The following EPX variants were observed in gnomAD, a reference collection of about 807,000 sequenced individuals.
EPX encodes eosinophil peroxidase.
EPX carries 60 observed loss-of-function variants against 73.0 expected under a neutral mutation model. That is an observed-to-expected ratio of 0.82 (90% CI 0.67 to 1.02). The LOEUF (loss-of-function observed/expected upper bound fraction) is 1.02, where lower values mean the gene tolerates loss of function less well. Among genes scored for constraint, EPX ranks in the 50% least tolerant of loss-of-function variants. EPX has a pLI of 0.00. For missense variants in EPX, 950 were observed against 973.9 expected, an observed-to-expected ratio of 0.98 and a Z score of 0.33; for synonymous variants, 347 against 389.2, an observed-to-expected ratio of 0.89 and a Z score of 1.28.
intron 4 of EPX, 28 bp downstream of exon 4, chr17:58,193,859 CCCCTGCCT>C: frequency 1.2e-6 from 2 of 1,600,738 alleles, no homozygotes; most frequent in Non-Finnish European, 1.7e-6. Flanking sequence ...GGAGGGGCTG[CCCCTGCCT>C]GGGGGACCTC....
intron 10 of EPX, chr17:58,202,592 T>G (rs889534781): frequency 8.2e-6 from 2 of 245,396 alleles, no homozygotes; most frequent in South Asian, 1.2e-4. Flanking sequence ...TATTGACCTA[T>G]GCAGGACCTC....
chr17:58,204,433 A>C lies in EPX; in HGVS notation c.*10A>C. The C allele has an allele frequency of 6.2e-7, 1 of 1,602,732 alleles. No homozygotes were observed. Among genetic ancestry groups the C allele is most frequent in the Non-Finnish European group, 8.5e-7 (1 of 1,169,864 alleles). Reference sequence around the variant, plus strand: ...CTGGCGAGGGACATGAGGCTTCTGCAGGTAAGGGGAGGCCACCTCCAGCAC... The same window carrying C: ...CTGGCGAGGGACATGAGGCTTCTGCCGGTAAGGGGAGGCCACCTCCAGCAC... On this transcript the variant is annotated splice_region_variant and 3_prime_UTR_variant, in exon 12 of 13. Transcript: ENST00000225371.
chr17:58,200,279 G>A lies in EPX; in HGVS notation c.1592G>A (p.Arg531His), dbSNP rs369774099. ...GLMATPAKLNRQDAMLVDELR... is the reference protein window; with the variant it reads ...GLMATPAKLNHQDAMLVDELR... ...ATGGCCACCCCTGCCAAGCTGAACC[G>A]TCAGGATGCCATGTTAGTGGATGAG... Residue 531 changes from arginine (R) to histidine (H), a missense_variant, in exon 10 of 13, where the codon CGT becomes CAT. Coordinates refer to ENST00000225371, the MANE Select transcript of EPX (RefSeq NM_000502.6). The A allele has an allele frequency of 3.0e-5, 48 of 1,614,184 alleles. No homozygotes were observed. Among genetic ancestry groups the A allele is most frequent in the South Asian group, 4.4e-5 (4 of 91,084 alleles).
chr17:58,199,330 C>T, intron 8 of EPX, 130 bp downstream of exon 8: 2 of 1,154,406 alleles, frequency 1.7e-6, no homozygotes, highest in Admixed American at 2.0e-5. Context: ...TGGACCTGTC[C>T]TCTGGCCCCG....
At chr17:58,204,666 T>C (rs1288466224) in intron 12 of EPX, 70 bp from the exon 13 acceptor site, 6 of 555,280 alleles carry the variant, frequency 1.1e-5, no homozygotes, top group South Asian at 4.3e-5. Flanking sequence ...TGGTCACTAA[T>C]ACCTGAAAAC....
Position 58,197,177 on chromosome 17 carries a change from C to G in EPX, c.1040C>G (p.Ala347Gly). 1 of 1,613,994 alleles carries G rather than the reference C, an allele frequency of 6.2e-7. No homozygotes were observed. The highest frequency in any genetic ancestry group is 8.5e-7 in the Non-Finnish European group (1 of 1,180,004). ...INQRFQDNGR[A>G]LLPFDNLHDD... ...CAGCGCTTTCAAGACAACGGCCGGGCCCTGCTGCCCTTCGACAACCTGCAC... is the reference window on the plus strand; with the variant it reads ...CAGCGCTTTCAAGACAACGGCCGGGGCCTGCTGCCCTTCGACAACCTGCAC... The change falls in exon 7 of 13, where the codon GCC becomes GGC. Residue 347 changes from alanine (A) to glycine (G), a missense_variant. By Grantham distance (60) the Ala-to-Gly change is moderately conservative (BLOSUM62 0). Transcript: ENST00000225371.
Position 58,193,849 on chromosome 17 carries a change from G to A in EPX, c.464+18G>A. ...AACAACAAGTGCGTGCGGGGCGGCA[G>A]GAGGGGCTGCCCCTGCCTGGGGGAC... On this transcript the variant is annotated intron_variant, in intron 4 of 12. Transcript: ENST00000225371. 1 of 1,601,094 alleles carries A rather than the reference G, an allele frequency of 6.2e-7. No individual in the cohort carries two copies.
At position 58,197,081 on chromosome 17, in the gene EPX, A is replaced by G. The variant is rs955641556; in HGVS notation, c.944A>G (p.Tyr315Cys). The change falls in exon 7 of 13, where the codon TAT (tyrosine) becomes TGT (cysteine). Residue 315 changes from tyrosine (Y) to cysteine (C), a missense_variant. Transcript: ENST00000225371. ...TCCTTTGTGGACGCCAGCATGGTGTATGGCAGTGAGGTCTCCCTCTCGCTG... is the reference window on the plus strand; with the variant it reads ...TCCTTTGTGGACGCCAGCATGGTGTGTGGCAGTGAGGTCTCCCTCTCGCTG... ...LTSFVDASMV[Y>C]GSEVSLSLRL... 2.5e-6 allele frequency: 4 copies of G among 1,614,206 alleles called. No homozygotes were observed. Among genetic ancestry groups the G allele is most frequent in the Non-Finnish European group, 3.4e-6 (4 of 1,180,028 alleles).
intron 10 of EPX, among the ~76,000 whole-genome samples, chr17:58,201,480 C>G (rs1015372139): frequency 1.3e-5 from 2 of 152,214 alleles, no homozygotes; most frequent in South Asian, 2.1e-4. Context: ...ATAAAACCTA[C>G]AGAGGTGGGG....
chr17:58,192,973 A>C (rs374944687), intron 1 of EPX, 51 bp downstream of exon 1: 1 of 1,598,828 alleles, frequency 6.3e-7, no homozygotes, highest in East Asian at 2.2e-5. Flanking sequence ...TGGAAGGGGA[A>C]GCACTTGGGT....
intron 3 of EPX, 40 bp from the exon 4 acceptor site, chr17:58,193,674 G>C (rs1567787761): frequency 3.9e-6 from 6 of 1,549,674 alleles, no homozygotes; most frequent in Non-Finnish European, 3.6e-6. Flanking sequence ...GGGAGGTACA[G>C]AGCAGGCCAG....
chr17:58,193,523 G>A lies in EPX; in HGVS notation c.323G>A (p.Arg108Gln), dbSNP rs753372093. 11 of 1,614,000 alleles carry A rather than the reference G, an allele frequency of 6.8e-6. No individual in the cohort carries two copies. Among genetic ancestry groups the A allele is most frequent in the East Asian group, 4.5e-5 (2 of 44,894 alleles). Residue 108 changes from arginine to glutamine, a missense_variant, in exon 3 of 13, where the codon CGG becomes CAG. Physicochemically the swap from Arg to Gln is conservative, Grantham distance 43. Coordinates refer to ENST00000225371, the MANE Select transcript of EPX (RefSeq NM_000502.6). ...GLLEEKLQPQRSGPFNVTDVL... is the reference protein window; with the variant it reads ...GLLEEKLQPQQSGPFNVTDVL... ...CTTGAAGAGAAGTTACAACCCCAGCGGTCCGGACCCTTCAATGTCACTGGT... is the reference window on the plus strand; with the variant it reads ...CTTGAAGAGAAGTTACAACCCCAGCAGTCCGGACCCTTCAATGTCACTGGT...
At chr17:58,195,216 C>A in intron 6 of EPX, 46 bp downstream of exon 6, 1 of 1,485,506 alleles carries the variant, frequency 6.7e-7, no homozygotes, top group Non-Finnish European at 9.4e-7. Context: ...TGGCCTCCCC[C>A]AAAGGCAAGG....
At position 58,192,779 on chromosome 17, in the gene EPX, G is replaced by T; in HGVS notation, c.-68G>T. 1 of 1,363,378 alleles carries T rather than the reference G, an allele frequency of 7.3e-7. No individual in the cohort carries two copies. Among genetic ancestry groups the T allele is most frequent in the Non-Finnish European group, 1.0e-6 (1 of 968,396 alleles). The allele number at this position is 1,363,378 out of a possible 1,614,324, so 84.5% of individuals were successfully genotyped here. A position where few individuals can be genotyped will look rare whatever the true frequency, so the allele number is the denominator to read the frequency against. ...TGGGGGTCCTCAAAGTGAGAGGGGA[G>T]CAGAGGATCCTCCCGTGCAGGCTGT... On this transcript the variant is annotated 5_prime_UTR_variant, in exon 1 of 13. Coordinates refer to ENST00000225371, the MANE Select transcript of EPX (RefSeq NM_000502.6).
At chr17:58,196,251 G>A (rs1269754556) in intron 6 of EPX, among the ~76,000 whole-genome samples, 1 of 152,070 alleles carries the variant, frequency 6.6e-6, no homozygotes, top group East Asian at 1.9e-4. Flanking sequence ...GGGATTACAG[G>A]CATGTGCCAA....
At position 58,193,373 on chromosome 17, in the gene EPX, T is replaced by C. The variant is rs775584458; in HGVS notation, c.173T>C (p.Ile58Thr). The C allele has an allele frequency of 2.5e-6, 4 of 1,614,186 alleles. No homozygotes were observed. In the African/African-American group the frequency reaches 4.0e-5, roughly 16 times the overall value. The change falls in exon 3 of 13, where the codon ATC becomes ACC. Residue 58 changes from isoleucine to threonine, a missense_variant and splice_region_variant. Physicochemically the swap from Ile to Thr is moderately conservative, Grantham distance 89. Coordinates refer to ENST00000225371, the MANE Select transcript of EPX (RefSeq NM_000502.6). ...CTCACTCCTCCTCTCCTGGGCAGCA[T>C]CAAGCAGCGGCTTCGCAGCGGTTCA... Reference protein sequence around the residue: ...DAAYNWTQKSIKQRLRSGSAS... With the variant: ...DAAYNWTQKSTKQRLRSGSAS...
At chr17:58,201,251 G>A (rs1012590517) in intron 10 of EPX, among the ~76,000 whole-genome samples, 18 of 152,154 alleles carry the variant, frequency 1.2e-4, no homozygotes, top group African/African-American at 3.9e-4. Flanking sequence ...TTCACACAGC[G>A]CCTGGTAGAG....
At chr17:58,200,589 C>T (rs990995654) in intron 10 of EPX, among the ~76,000 whole-genome samples, 194 bp downstream of exon 10, 5 of 152,190 alleles carry the variant, frequency 3.3e-5, no homozygotes, top group African/African-American at 1.2e-4. Flanking sequence ...ATGGCTCCCC[C>T]ATCCACTGTA....
In EPX at chr17:58,204,097, A is replaced by G. The variant is rs34519902; in HGVS notation, c.1947-125A>G. The stretch of plus-strand genomic sequence containing the variant: ...GAATTTGTTTCATTTCTGAGATTCC[A>G]ATCTTGCAGGAATTTTGTGAGAATT... On this transcript the variant is annotated intron_variant, in intron 11 of 12. Transcript: ENST00000225371. 2.4e-4 allele frequency: 186 copies of G among 761,512 alleles called. 1 individual carries two copies. The African/African-American group carries it at 2.7e-3, about 11-fold the overall frequency. The allele number at this position is 761,512 out of a possible 1,614,324, so 47.2% of individuals were successfully genotyped here.
Sources: allele counts gnomAD v4.1 joint callset (sites outside exome capture counted in the v4.1 genomes callset), GRCh38; gene constraint gnomAD v4.1.1; transcripts MANE v1.5; gene names NCBI Gene and HGNC (gene_info 2026-07-23, HGNC 2026-07-21).